Variants in TRIM36 observed in about 807,000 individuals in gnomAD.
TRIM36 encodes the protein E3 ubiquitin-protein ligase TRIM36.
In TRIM36, 42 loss-of-function variants were observed where a neutral mutation model predicts 72.4. The ratio of observed to expected loss-of-function variants is 0.58; its 90% CI spans 0.45 to 0.75. The LOEUF (loss-of-function observed/expected upper bound fraction) is 0.75, where lower values mean the gene tolerates loss of function less well. Ranked by LOEUF, TRIM36 falls within the 30% of genes least tolerant of loss-of-function variation. The pLI is 0.00. For synonymous variants in TRIM36, 315 were observed against 282.8 expected, an observed-to-expected ratio of 1.11 and a Z score of -1.14; for missense variants, 913 against 857.1, an observed-to-expected ratio of 1.07 and a Z score of -0.81.
In TRIM36 at chr5:115,125,278, A is replaced by T. The variant is rs1440328496; in HGVS notation, c.*1225T>A. ...CAAAAAAATAAGTACTTTAAATAAA[A>T]ACCACCTACTTGAAAGCAACACCTT... On this transcript the variant is annotated 3_prime_UTR_variant, in exon 10 of 10. Coordinates refer to ENST00000513154, the MANE Select transcript of TRIM36 (RefSeq NM_001300759.2). 1.3e-5 allele frequency: 2 copies of T among 152,178 alleles called. No individual in the cohort carries two copies. The highest frequency in any genetic ancestry group is 2.9e-5 in the Non-Finnish European group (2 of 67,986). The allele number at this position is 152,178 out of a possible 1,614,324, so 9.4% of individuals were successfully genotyped here.
chr5:115,130,227 G>A (rs567326796), intron 9 of TRIM36, among the ~76,000 whole-genome samples: 1 of 152,160 alleles, frequency 6.6e-6, no homozygotes, highest in Non-Finnish European at 1.5e-5. Flanking sequence ...AAGAAACTGT[G>A]TCCCATAAGA....
intron 2 of TRIM36, among the ~76,000 whole-genome samples, chr5:115,155,843 C>T (rs912394843): frequency 6.6e-6 from 1 of 152,044 alleles, no homozygotes; most frequent in Non-Finnish European, 1.5e-5. Context: ...GCAACCAAAT[C>T]GGTAAAAAGG....
upstream of TRIM36, chr5:115,180,193 G>A: frequency 1.4e-6 from 1 of 699,944 alleles, no homozygotes; most frequent in Non-Finnish European, 2.4e-6. Flanking sequence ...AAAGCAAGAA[G>A]CGGGCTTGGG....
At chr5:115,153,088 G>A (rs1403766513) in intron 2 of TRIM36, among the ~76,000 whole-genome samples, 3 of 152,078 alleles carry the variant, frequency 2.0e-5, no homozygotes, top group Non-Finnish European at 4.4e-5. Context: ...AAAAGACAAA[G>A]AATTGCAGAA....
intron 5 of TRIM36, among the ~76,000 whole-genome samples, chr5:115,138,825 T>C (rs1316454202): frequency 6.6e-6 from 1 of 151,242 alleles, no homozygotes; most frequent in Admixed American, 6.6e-5. Context: ...AAGAACATTC[T>C]TTTTTTTTGA....
chr5:115,167,343 C>T (rs1458119605), intron 1 of TRIM36, among the ~76,000 whole-genome samples: 1 of 152,210 alleles, frequency 6.6e-6, no homozygotes, highest in Non-Finnish European at 1.5e-5. Flanking sequence ...TACCCATAGT[C>T]TTGGCAATTA....
chr5:115,170,505 C>G (rs1188808577), upstream of TRIM36, among the ~76,000 whole-genome samples: 1 of 152,140 alleles, frequency 6.6e-6, no homozygotes, highest in Non-Finnish European at 1.5e-5. Context: ...GCCCTCTCCG[C>G]GGTCCCTAGC....
chr5:115,164,043 G>C (rs145134898), intron 1 of TRIM36, among the ~76,000 whole-genome samples: 1 of 152,136 alleles, frequency 6.6e-6, no homozygotes, highest in African/African-American at 2.4e-5. Context: ...GCCATCATTC[G>C]AATCTCCATC....
upstream of TRIM36, among the ~76,000 whole-genome samples, chr5:115,170,323 C>T (rs1035105659): frequency 7.2e-5 from 11 of 152,224 alleles, no homozygotes; most frequent in African/African-American, 2.4e-4. Flanking sequence ...CCTGCGCTGC[C>T]ATTCCGCCCT....
In TRIM36 at chr5:115,137,596, T is replaced by C. The variant is rs1216604690; in HGVS notation, c.852A>G (p.Lys284=). The C allele has an allele frequency of 6.2e-7, 1 of 1,609,426 alleles. No individual in the cohort carries two copies. Among genetic ancestry groups the C allele is most frequent in the African/African-American group, 1.3e-5 (1 of 74,672 alleles). Residue 284 remains lysine (K), a synonymous_variant, in exon 6 of 10, where the codon AAA becomes AAG. Transcript: ENST00000513154. ...KETECNGERA[K]EEAITHFEKL... is the part of the protein sequence containing the mutation. ...TTTCAAAATGTGTAATTGCTTCTTC[T>C]TTAGCCCTCTCTCCATTACACTAAG...
At chr5:115,148,543 T>G (rs961027439) in intron 2 of TRIM36, among the ~76,000 whole-genome samples, 8 of 151,068 alleles carry the variant, frequency 5.3e-5, no homozygotes, top group African/African-American at 2.0e-4. Context: ...GCCAAGTAGC[T>G]GGGATTACAG....
rs562603940 is a variant in TRIM36 at position 115,158,125 on chromosome 5, T to A, written c.262+5393A>T. ...CAATAAACTATGGAAATAAAAAAAA[T>A]TTTAAAAATGAAAGAAAGAAAAGTA... On this transcript the variant is annotated intron_variant, in intron 2 of 9. Transcript: ENST00000513154. Among the ~76,000 whole-genome samples, 52 of 117,800 alleles carry A rather than the reference T, an allele frequency of 4.4e-4. No individual in the cohort carries two copies. In the East Asian group the frequency reaches 5.5e-3, roughly 12 times the overall value. The allele number at this position is 117,800 out of a possible 152,430, so 77.3% of individuals were successfully genotyped here.
At chr5:115,140,790 C>A (rs1046040762) in intron 5 of TRIM36, among the ~76,000 whole-genome samples, 1 of 152,072 alleles carries the variant, frequency 6.6e-6, no homozygotes, top group Non-Finnish European at 1.5e-5. Flanking sequence ...GTGGGTAGAT[C>A]CCACTTTGTG....
chr5:115,143,864 T>C (rs944049133), intron 4 of TRIM36, among the ~76,000 whole-genome samples: 4 of 152,000 alleles, frequency 2.6e-5, no homozygotes, highest in African/African-American at 9.7e-5. Context: ...AAGGAAGTAA[T>C]TCAGGTTTTT....
At position 115,125,548 on chromosome 5, in the gene TRIM36, C is replaced by G. The variant is rs1471515436; in HGVS notation, c.*955G>C. ...TAAAATATATAATGAACTTTTCAAA[C>G]ATGTAAATATAAATCAGGAAAACCT... is the stretch of plus-strand genomic sequence containing the variant. On this transcript the variant is annotated 3_prime_UTR_variant, in exon 10 of 10. Coordinates refer to ENST00000513154, the MANE Select transcript of TRIM36 (RefSeq NM_001300759.2). 2.0e-5 allele frequency: 3 copies of G among 151,942 alleles called. No homozygotes were observed. Among genetic ancestry groups the G allele is most frequent in the Non-Finnish European group, 4.4e-5 (3 of 67,918 alleles). 9.4% of individuals were successfully genotyped at this position (151,942 alleles called of 1,614,324 possible).
intron 1 of TRIM36, among the ~76,000 whole-genome samples, chr5:115,167,694 C>G (rs1754863556): frequency 6.6e-6 from 1 of 152,232 alleles, no homozygotes; most frequent in African/African-American, 2.4e-5. Flanking sequence ...TCCAAACTTT[C>G]CCACATCTTC....
At chr5:115,177,430 A>G (rs1230211622) in intron 1 of TRIM36, 1 of 883,416 alleles carries the variant, frequency 1.1e-6, no homozygotes, top group Non-Finnish European at 1.4e-6. Context: ...CTACTCTCTT[A>G]ACTCTCATAA....
intron 8 of TRIM36, 96 bp from the exon 9 acceptor site, chr5:115,130,985 A>G: frequency 7.2e-7 from 1 of 1,390,834 alleles, no homozygotes; most frequent in Admixed American, 2.5e-5. Flanking sequence ...CTGAAGAGAG[A>G]CAGGAAGCGG....
intron 1 of TRIM36, among the ~76,000 whole-genome samples, chr5:115,179,213 C>T (rs1755491787): frequency 2.0e-5 from 3 of 152,198 alleles, no homozygotes; most frequent in African/African-American, 2.4e-5. Flanking sequence ...GGCAATTTCT[C>T]GGATGCAGCG....
Sources: gnomAD v4.1 joint callset for allele counts (sites outside exome capture counted in the v4.1 genomes callset) on GRCh38, gnomAD v4.1.1 for gene constraint, MANE v1.5 for transcripts, NCBI Gene and HGNC (gene_info 2026-07-23, HGNC 2026-07-21) for gene names.